Variants in TRAP1 observed in about 807,000 individuals in gnomAD.
TRAP1 encodes the protein TNF receptor associated protein 1, also known as heat shock protein 75 kDa, mitochondrial.
In TRAP1, 102 loss-of-function variants were observed where a neutral mutation model predicts 89.1. The ratio of observed to expected loss-of-function variants is 1.15; its 90% CI spans 0.98 to 1.35. The LOEUF is 1.35. Ranked by LOEUF, TRAP1 falls within the 40% of genes most tolerant of loss-of-function variation. The pLI is 0.00. For synonymous variants in TRAP1, 508 were observed against 388.0 expected (o/e 1.31, Z -3.64); for missense variants, 1,256 against 945.3 (o/e 1.33, Z -4.31).
intron 1 of TRAP1, among the ~76,000 whole-genome samples, chr16:3,707,448 G>C (rs1374996773): frequency 6.6e-6 from 1 of 151,214 alleles, no homozygotes; most frequent in Admixed American, 6.6e-5. Flanking sequence ...GCCTCCCAAA[G>C]TGCTAGGATT....
chr16:3,684,001 A>T (rs888075776), intron 4 of TRAP1, among the ~76,000 whole-genome samples: 1 of 151,926 alleles, frequency 6.6e-6, no homozygotes, highest in African/African-American at 2.4e-5. Flanking sequence ...CCCCATCTCT[A>T]CTAAAAATAC....
intron 1 of TRAP1, among the ~76,000 whole-genome samples, chr16:3,705,774 G>T (rs772661813): frequency 4.6e-5 from 7 of 151,886 alleles, no homozygotes; most frequent in Non-Finnish European, 8.8e-5. Context: ...CTGCCTCCCG[G>T]GTTCAAGTGA....
At chr16:3,672,262 T>C (rs905807473) in intron 10 of TRAP1, among the ~76,000 whole-genome samples, 1 of 151,780 alleles carries the variant, frequency 6.6e-6, no homozygotes, top group African/African-American at 2.4e-5. Flanking sequence ...CTTAAGGAGG[T>C]TGCAGTGAGC....
At chr16:3,709,227 C>CAAAAAAAAA in intron 1 of TRAP1, among the ~76,000 whole-genome samples, 1 of 82,392 alleles carries the variant, frequency 1.2e-5, no homozygotes, top group Non-Finnish European at 2.8e-5. Flanking sequence ...AACTCCATCT[C>CAAAAAAAAA]AAAAAAAAAA....
intron 2 of TRAP1, among the ~76,000 whole-genome samples, 186 bp from the exon 3 acceptor site, chr16:3,689,323 C>T (rs1464147038): frequency 6.7e-6 from 1 of 150,154 alleles, no homozygotes; most frequent in Non-Finnish European, 1.5e-5. Flanking sequence ...CGGCTCACTG[C>T]AAGCTCTGCC....
At chr16:3,678,391 C>T (rs1267064302) in intron 5 of TRAP1, 1 of 152,242 alleles carries the variant, frequency 6.6e-6, no homozygotes, top group Non-Finnish European at 1.5e-5. Flanking sequence ...GCAGACCAAC[C>T]TCGAGAGAAA....
chr16:3,674,797 G>A (rs2050966034), intron 8 of TRAP1: 1 of 446,762 alleles, frequency 2.2e-6, no homozygotes, highest in African/African-American at 2.0e-5. Flanking sequence ...GACGAATACA[G>A]TGTGGGCCGT....
Position 3,689,346 on chromosome 16 carries a change from G to A in TRAP1, c.248-209C>T, listed in dbSNP as rs1398130718. Among the ~76,000 whole-genome samples the A allele has an allele frequency of 6.0e-5, 9 of 149,470 alleles. No individual in the cohort carries two copies. In the South Asian group the frequency reaches 6.3e-4, roughly 10 times the overall value. On this transcript the variant is annotated intron_variant, in intron 2 of 17. Transcript: ENST00000246957. The stretch of plus-strand genomic sequence containing the variant: ...TGCAAGCTCTGCCTCCCGGGTTCAC[G>A]CCATTCTCTTGCCTCAGCCTCCCGA...
chr16:3,698,861 G>A (rs1418312132), intron 1 of TRAP1, among the ~76,000 whole-genome samples: 1 of 151,710 alleles, frequency 6.6e-6, no homozygotes, highest in Non-Finnish European at 1.5e-5. Context: ...ATTTCAGGGT[G>A]GGAGATGCAG....
Position 3,666,138 on chromosome 16 carries a change from T to G in TRAP1, c.1236-20A>C, listed in dbSNP as rs766860367. 6.2e-7 allele frequency: 1 copy of G among 1,606,378 alleles called. No homozygotes were observed. Among genetic ancestry groups the G allele is most frequent in the Non-Finnish European group, 8.5e-7 (1 of 1,177,236 alleles). ...AGTTTCCTACAGAAAAGAAATGCATTTAATACATACAAGCAGCCTCTATGA... is the reference window on the plus strand; with the variant it reads ...AGTTTCCTACAGAAAAGAAATGCATGTAATACATACAAGCAGCCTCTATGA... On this transcript the variant is annotated intron_variant, in intron 11 of 17. Coordinates refer to ENST00000246957, the MANE Select transcript of TRAP1 (RefSeq NM_016292.3).
At chr16:3,660,500 C>G (rs1031854275) in intron 16 of TRAP1, 1 of 148,452 alleles carries the variant, frequency 6.7e-6, no homozygotes, top group Non-Finnish European at 1.5e-5. Flanking sequence ...CAGACAGAAA[C>G]GAGCACTTCT....
At chr16:3,674,306 C>T in intron 9 of TRAP1, 33 bp downstream of exon 9, 1 of 1,611,052 alleles carries the variant, frequency 6.2e-7, no homozygotes, top group Non-Finnish European at 8.5e-7. Context: ...ACAGAGTCAC[C>T]CTGAGGGCCG....
At chr16:3,688,934 T>C in intron 3 of TRAP1, 121 bp downstream of exon 3, 1 of 893,028 alleles carries the variant, frequency 1.1e-6, no homozygotes, top group Non-Finnish European at 1.7e-6. Context: ...TGAGGACCTG[T>C]CCAAAGTTTA....
chr16:3,689,220 G>T, intron 2 of TRAP1, 83 bp from the exon 3 acceptor site: 10 of 1,059,408 alleles, frequency 9.4e-6, no homozygotes, highest in East Asian at 2.6e-5. Context: ...TCCAAAGAAA[G>T]CTTAAGTTTA....
chr16:3,663,602 C>A (rs769597501), intron 13 of TRAP1, 40 bp from the exon 14 acceptor site: 23 of 1,610,048 alleles, frequency 1.4e-5, no homozygotes, highest in African/African-American at 1.2e-4. Flanking sequence ...ACCCCGGGGG[C>A]CTCCAGCCAC....
At chr16:3,695,699 T>C (rs1053173757) in intron 1 of TRAP1, among the ~76,000 whole-genome samples, 3 of 151,884 alleles carry the variant, frequency 2.0e-5, no homozygotes, top group Non-Finnish European at 4.4e-5. Context: ...CTTCAGAAAA[T>C]AGCACTTTGA....
intron 4 of TRAP1, among the ~76,000 whole-genome samples, chr16:3,682,639 C>T (rs367769667): frequency 4.6e-5 from 7 of 152,094 alleles, no homozygotes; most frequent in African/African-American, 7.2e-5. Context: ...ACAATCTGCC[C>T]GCCACGGCCT....
chr16:3,708,077 G>C (rs1485178439), intron 1 of TRAP1, among the ~76,000 whole-genome samples: 2 of 151,964 alleles, frequency 1.3e-5, no homozygotes, highest in South Asian at 4.2e-4. Flanking sequence ...GGGAGGAAGA[G>C]GTCACAGCCA....
At chr16:3,659,579 A>AATATT (rs2042945243) in intron 16 of TRAP1, 1 of 152,262 alleles carries the variant, frequency 6.6e-6, no homozygotes, top group African/African-American at 2.4e-5. Flanking sequence ...CCTTAACATG[A>AATATT]ATATTATAAT....
Sources: gnomAD v4.1 joint callset for allele counts (sites outside exome capture counted in the v4.1 genomes callset) on GRCh38, gnomAD v4.1.1 for gene constraint, MANE v1.5 for transcripts, NCBI Gene and HGNC (gene_info 2026-07-23, HGNC 2026-07-21) for gene names.